LCK: variants seen among roughly 807,000 people sequenced by gnomAD.
LCK encodes the protein LCK proto-oncogene, Src family tyrosine kinase, also known as tyrosine-protein kinase Lck.
In LCK, 14 loss-of-function variants were observed where a neutral mutation model predicts 64.6. That is an observed-to-expected ratio of 0.22 (90% confidence interval 0.14 to 0.34). LCK has a LOEUF of 0.34. LCK is among the 10% of genes least tolerant of loss of function. The pLI is 1.00. For missense variants in LCK, 434 were observed against 668.1 expected (o/e 0.65, Z 3.86); for synonymous variants, 277 against 263.6 (o/e 1.05, Z -0.49).
chr1:32,272,573 A>AAGAGAGAGAGAGAGAAAGAG (rs112969302), intron 1 of LCK, among the ~76,000 whole-genome samples: 1 of 71,864 alleles, frequency 1.4e-5, no homozygotes, highest in Non-Finnish European at 2.6e-5. Context: ...ACCCTGTCTC[A>AAGAGAGAGAGAGAGAAAGAG]AGAGAGAGAG....
chr1:32,261,222 C>T (rs115434664), intron 1 of LCK, among the ~76,000 whole-genome samples: 1,540 of 150,606 alleles, frequency 0.01, 37 homozygotes, highest in African/African-American at 0.035. Flanking sequence ...AATGCCATCA[C>T]GCCATCATGC....
At chr1:32,283,876 ATTATTTAT>A (rs773652763) in intron 12 of LCK, among the ~76,000 whole-genome samples, 1 of 151,622 alleles carries the variant, frequency 6.6e-6, no homozygotes, top group Admixed American at 6.6e-5. Context: ...GGTGCCCTTT[ATTATTTAT>A]TTATTTATGT....
intron 9 of LCK, among the ~76,000 whole-genome samples, chr1:32,277,379 CCTTGATCTCAGGATG>C (rs1452806201): frequency 6.6e-6 from 1 of 152,122 alleles, no homozygotes; most frequent in Non-Finnish European, 1.5e-5. Flanking sequence ...CAAAGCCCTA[CCTTGATCTCAGGATG>C]CTTGATCTCA....
In LCK at chr1:32,275,372, C is replaced by T; in HGVS notation, c.330C>T (p.Phe110=). 1 of 1,614,172 alleles carries T rather than the reference C, an allele frequency of 6.2e-7. No individual in the cohort carries two copies. The highest frequency in any genetic ancestry group is 8.5e-7 in the Non-Finnish European group (1 of 1,180,032). Residue 110 remains phenylalanine, a synonymous_variant, in exon 5 of 13, where the codon TTC becomes TTT. Transcript: ENST00000336890. This position sits in a 1 kb window ranked among gnomAD's most constrained non-coding sequence, Gnocchi z 6.9. ...AQSLTTGQEG[F]IPFNFVAKAN... The stretch of plus-strand genomic sequence containing the variant: ...CCCTGACCACGGGCCAGGAAGGCTT[C>T]ATCCCCTTCAATTTTGTGGCCAAAG...
At chr1:32,259,629 A>AAATAAT (rs762289799) in intron 1 of LCK, among the ~76,000 whole-genome samples, 5 of 149,544 alleles carry the variant, frequency 3.3e-5, no homozygotes, top group East Asian at 2.0e-4. Flanking sequence ...AAAAAAATAA[A>AAATAAT]AATAATAATA....
intron 1 of LCK, among the ~76,000 whole-genome samples, chr1:32,260,216 T>C (rs1443756344): frequency 6.6e-6 from 1 of 152,138 alleles, no homozygotes; most frequent in East Asian, 1.9e-4. Context: ...TTTCGCCATG[T>C]TGGCCAGAAT....
chr1:32,274,627 G>T (rs1640198221), intron 2 of LCK, 110 bp from the exon 3 acceptor site: 3 of 1,009,188 alleles, frequency 3.0e-6, no homozygotes, highest in Non-Finnish European at 4.4e-6. Context: ...TAAACTCAGG[G>T]ATAACATCTA....
chr1:32,265,342 T>C (rs1251760614), intron 1 of LCK, among the ~76,000 whole-genome samples: 3 of 152,242 alleles, frequency 2.0e-5, no homozygotes, highest in Non-Finnish European at 4.4e-5. Context: ...AGCCTGGGAC[T>C]TCCTGGGAGC....
At chr1:32,259,979 C>T (rs1456646973) in intron 1 of LCK, among the ~76,000 whole-genome samples, 3 of 151,638 alleles carry the variant, frequency 2.0e-5, no homozygotes, top group South Asian at 2.1e-4. Context: ...AAGTCTGGGT[C>T]GGGGCAAAGG....
chr1:32,266,305 AC>A (rs1226181927), intron 1 of LCK, among the ~76,000 whole-genome samples: 2 of 151,046 alleles, frequency 1.3e-5, no homozygotes, highest in East Asian at 3.9e-4. Flanking sequence ...ATCCTGGCTA[AC>A]ATGGTGAAAC....
At chr1:32,265,939 A>C (rs1000543759) in intron 1 of LCK, among the ~76,000 whole-genome samples, 3 of 152,106 alleles carry the variant, frequency 2.0e-5, no homozygotes, top group Non-Finnish European at 4.4e-5. Flanking sequence ...AAGGGATTAC[A>C]GACATGAGCT....
At position 32,275,782 on chromosome 1, in the gene LCK, G is replaced by A. The variant is rs1416102845; in HGVS notation, c.481+110G>A. The A allele has an allele frequency of 5.7e-6, 8 of 1,405,894 alleles. No homozygotes were observed. The highest frequency in any genetic ancestry group is 4.0e-5 in the Admixed American group (2 of 49,762). 87.1% of individuals were successfully genotyped at this position (1,405,894 alleles called of 1,614,324 possible). On this transcript the variant is annotated intron_variant, in intron 6 of 12. Transcript: ENST00000336890. This position sits in a 1 kb window ranked among gnomAD's most constrained non-coding sequence, Gnocchi z 6.9. The stretch of plus-strand genomic sequence containing the variant: ...CACGGGGTGAGTCGGAGGGGGACGC[G>A]GGATGAGCCCGAGGTGGGGGCGCGG...
chr1:32,283,757 G>A (rs1640530885), intron 12 of LCK, among the ~76,000 whole-genome samples: 1 of 152,172 alleles, frequency 6.6e-6, no homozygotes, highest in South Asian at 2.1e-4. Flanking sequence ...AGGATGTCAT[G>A]TGCCTGGTCT....
At chr1:32,279,558 C>T in intron 9 of LCK, 113 bp from the exon 10 acceptor site, 3 of 1,586,032 alleles carry the variant, frequency 1.9e-6, no homozygotes, top group East Asian at 2.3e-5. Context: ...TCTCACTCTT[C>T]AATCTTCCTT....
chr1:32,275,420 G>C lies in LCK; in HGVS notation c.377+1G>C. 1 of 1,613,876 alleles carries C rather than the reference G, an allele frequency of 6.2e-7. No individual in the cohort carries two copies. Among genetic ancestry groups the C allele is most frequent in the Non-Finnish European group, 8.5e-7 (1 of 1,179,836 alleles). ...AAGCGAACAGCCTGGAGCCCGAACC[G>C]TAAGTGGGGACCCGTCGTGGGGGTG... On this transcript the variant is annotated splice_donor_variant, in intron 5 of 12. Transcript: ENST00000336890. LOFTEE classifies it high-confidence loss of function. The surrounding 1 kb of genome is among the most constrained non-coding windows in gnomAD (Gnocchi z 6.9).
chr1:32,279,623 C>T (rs374999400), intron 9 of LCK, 48 bp from the exon 10 acceptor site: 3 of 1,613,596 alleles, frequency 1.9e-6, no homozygotes, highest in African/African-American at 1.3e-5. Context: ...GGTCTGGGGG[C>T]CTCCCCCTGG....
chr1:32,284,356 T>A (rs1172697119), intron 12 of LCK, among the ~76,000 whole-genome samples: 2 of 148,922 alleles, frequency 1.3e-5, no homozygotes, highest in South Asian at 4.2e-4. Flanking sequence ...ATATATATAT[T>A]ATTTTTATTT....
At chr1:32,278,595 TC>T (rs1319246623) in intron 9 of LCK, among the ~76,000 whole-genome samples, 2 of 152,172 alleles carry the variant, frequency 1.3e-5, no homozygotes, top group Non-Finnish European at 2.9e-5. Flanking sequence ...CGCCTTGGCC[TC>T]CCAAAGTGCT....
At chr1:32,274,679 G>A in intron 2 of LCK, 58 bp from the exon 3 acceptor site, 1 of 1,392,948 alleles carries the variant, frequency 7.2e-7, no homozygotes, top group South Asian at 1.3e-5. Context: ...GGGGAAGGGG[G>A]CCAGGGTCTG....
Sources: allele counts gnomAD v4.1 joint callset (sites outside exome capture counted in the v4.1 genomes callset), GRCh38; gene constraint gnomAD v4.1.1; non-coding constraint Gnocchi (gnomAD v3.1); transcripts MANE v1.5; gene names NCBI Gene and HGNC (gene_info 2026-07-23, HGNC 2026-07-21).